SKAP2: variants seen among roughly 807,000 people sequenced by gnomAD.
SKAP2 encodes the protein src kinase-associated phosphoprotein 2.
A neutral mutation model predicts 54.9 loss-of-function variants in SKAP2; 28 were observed. The observed-to-expected ratio is 0.51, with a 90% CI of 0.38 to 0.70. SKAP2 has a LOEUF of 0.70. SKAP2 is among the 30% of genes least tolerant of loss of function. The pLI is 0.00. For synonymous variants in SKAP2, 137 were observed against 134.3 expected (o/e 1.02, Z -0.14); for missense variants, 356 against 424.1 (o/e 0.84, Z 1.41).
chr7:26,709,019 T>G (rs1156351561), intron 9 of SKAP2, among the ~76,000 whole-genome samples: 1 of 152,204 alleles, frequency 6.6e-6, no homozygotes, highest in Non-Finnish European at 1.5e-5. Context: ...TACTTTTAAA[T>G]TAATGCTGAG....
chr7:26,664,506 G>A (rs570597401), downstream of SKAP2, among the ~76,000 whole-genome samples: 2 of 152,150 alleles, frequency 1.3e-5, no homozygotes, highest in East Asian at 3.9e-4. Flanking sequence ...TCTTTAACCA[G>A]CATACACTAG....
At chr7:26,822,913 C>T (rs10277060) in intron 4 of SKAP2, among the ~76,000 whole-genome samples, 11,534 of 151,614 alleles carry the variant, frequency 0.076, 556 homozygotes, top group Middle Eastern at 0.16. Context: ...AACAAAGGCT[C>T]TAAGTGTTCA....
chr7:26,703,609 C>T (rs1787094069), intron 9 of SKAP2, among the ~76,000 whole-genome samples: 1 of 152,072 alleles, frequency 6.6e-6, no homozygotes. Context: ...ACTCTCTGAA[C>T]CTCAGTTTTT....
At chr7:26,739,746 G>T in intron 5 of SKAP2, 141 bp downstream of exon 5, 1 of 605,178 alleles carries the variant, frequency 1.7e-6, no homozygotes, top group East Asian at 3.1e-5. Context: ...TTGTGGTTTG[G>T]ATAATGTCAT....
intron 4 of SKAP2, among the ~76,000 whole-genome samples, chr7:26,789,544 T>A (rs1783630583): frequency 6.6e-6 from 1 of 152,234 alleles, no homozygotes; most frequent in Admixed American, 6.5e-5. Flanking sequence ...CCAGTGTTTT[T>A]TAAATGTGTA....
chr7:26,659,378 A>G, the SKAP2 span, among the ~76,000 whole-genome samples: 2 of 152,186 alleles, frequency 1.3e-5, no homozygotes, highest in Non-Finnish European at 2.9e-5. Flanking sequence ...ATCCAGGAAT[A>G]ACTCAGGGCA....
chr7:26,851,235 T>C (rs1450707855), intron 3 of SKAP2, among the ~76,000 whole-genome samples: 2 of 128,688 alleles, frequency 1.6e-5, no homozygotes, highest in African/African-American at 6.0e-5. Flanking sequence ...CTGTGACACG[T>C]GGCGAAACCC....
At chr7:26,754,911 A>C (rs1211277562) in intron 4 of SKAP2, among the ~76,000 whole-genome samples, 1 of 152,234 alleles carries the variant, frequency 6.6e-6, no homozygotes, top group Non-Finnish European at 1.5e-5. Context: ...TATGAAAAAG[A>C]CTTAAAATCC....
rs569899541 is a variant in SKAP2, at chr7:26,727,023, C to T, written c.470-17G>A. ...GTTGTTTGTCTGTTGAAGATAAAAC[C>T]AGTTAGAATTTCATTTACTAAGTAT... On this transcript the variant is annotated splice_polypyrimidine_tract_variant and intron_variant, in intron 6 of 12. Transcript: ENST00000345317. 9 of 1,570,260 alleles carry T rather than the reference C, an allele frequency of 5.7e-6. No individual in the cohort carries two copies. The East Asian group carries it at 1.8e-4, about 32-fold the overall frequency.
chr7:26,815,334 A>G (rs756897308), intron 4 of SKAP2, among the ~76,000 whole-genome samples: 18 of 152,182 alleles, frequency 1.2e-4, no homozygotes, highest in Non-Finnish European at 2.1e-4. Flanking sequence ...ACTAGACAGA[A>G]TACAATACAG....
intron 1 of SKAP2, among the ~76,000 whole-genome samples, chr7:26,862,184 A>C (rs1785285575): frequency 6.6e-6 from 1 of 152,086 alleles, no homozygotes; most frequent in South Asian, 2.1e-4. Flanking sequence ...AGAATCATGT[A>C]CAATGCTAAC....
At chr7:26,831,050 C>A (rs1457678580) in intron 4 of SKAP2, among the ~76,000 whole-genome samples, 1 of 151,916 alleles carries the variant, frequency 6.6e-6, no homozygotes, top group African/African-American at 2.4e-5. Flanking sequence ...AATTTGGGAC[C>A]ATTTTTTCCC....
chr7:26,761,447 G>T (rs995631175), intron 4 of SKAP2, among the ~76,000 whole-genome samples: 2 of 152,140 alleles, frequency 1.3e-5, no homozygotes, highest in Non-Finnish European at 2.9e-5. Context: ...ATAATTCAAT[G>T]TCTTTTTCAG....
chr7:26,818,887 A>T (rs2127989780), intron 4 of SKAP2, among the ~76,000 whole-genome samples: 1 of 152,344 alleles, frequency 6.6e-6, no homozygotes, highest in South Asian at 2.1e-4. Context: ...ATTTCATGCC[A>T]GTTAGAATGG....
At chr7:26,852,999 AC>A (rs1785079130) in intron 3 of SKAP2, among the ~76,000 whole-genome samples, 1 of 152,186 alleles carries the variant, frequency 6.6e-6, no homozygotes, top group Non-Finnish European at 1.5e-5. Flanking sequence ...CTTGTAGAGC[AC>A]AAAAAAAACT....
intron 4 of SKAP2, among the ~76,000 whole-genome samples, chr7:26,813,545 T>C (rs145963658): frequency 2.6e-5 from 4 of 152,306 alleles, no homozygotes; most frequent in East Asian, 1.9e-4. Flanking sequence ...AAATGTGCAG[T>C]TGCTAAGAAG....
In SKAP2 at chr7:26,766,178, G is replaced by T. The variant is rs987098658; in HGVS notation, c.308-26214C>A. ...GTGGTTTGTAGTTCTCCTTGAAGAG[G>T]TCCTTCACATGCCTTGTAAGTTGTA... On this transcript the variant is annotated intron_variant, in intron 4 of 12. Coordinates refer to ENST00000345317, the MANE Select transcript of SKAP2 (RefSeq NM_003930.5). 2.0e-5 allele frequency among the ~76,000 whole-genome samples: 3 copies of T among 151,502 alleles called. No homozygotes were observed. The South Asian group carries it at 6.3e-4, about 32-fold the overall frequency.
intron 4 of SKAP2, among the ~76,000 whole-genome samples, chr7:26,771,836 T>G (rs1783196482): frequency 6.6e-6 from 1 of 152,200 alleles, no homozygotes; most frequent in Non-Finnish European, 1.5e-5. Flanking sequence ...TTTGAATATG[T>G]AGCTAAAAGA....
chr7:26,714,765 T>A (rs544720702), intron 9 of SKAP2, among the ~76,000 whole-genome samples: 4 of 152,220 alleles, frequency 2.6e-5, no homozygotes, highest in Non-Finnish European at 5.9e-5. Flanking sequence ...CATATGTGTG[T>A]ATTTTTTTTT....
Sources: gnomAD v4.1 joint callset for allele counts (sites outside exome capture counted in the v4.1 genomes callset) on GRCh38, gnomAD v4.1.1 for gene constraint, MANE v1.5 for transcripts, NCBI Gene and HGNC (gene_info 2026-07-23, HGNC 2026-07-21) for gene names.